Variants in CXCL13 observed in about 807,000 individuals in gnomAD.
The protein encoded by CXCL13 is C-X-C motif chemokine ligand 13.
CXCL13 carries 7 observed loss-of-function variants against 12.2 expected under a neutral mutation model. The observed-to-expected ratio is 0.57, with a 90% CI of 0.33 to 1.07. The LOEUF (loss-of-function observed/expected upper bound fraction) is 1.07, where lower values mean the gene tolerates loss of function less well. Among genes scored for constraint, CXCL13 ranks in the 50% least tolerant of loss-of-function variants. The probability of loss-of-function intolerance (pLI) is 0.04; values close to 1 mark genes in which losing one functional copy is unlikely to be tolerated. For synonymous variants in CXCL13, 47 were observed against 42.4 expected (o/e 1.11, Z -0.42); for missense variants, 113 against 127.4 (o/e 0.89, Z 0.55).
chr4:77,565,759 C>G (rs1193108658), intron 1 of CXCL13, among the ~76,000 whole-genome samples: 2 of 152,080 alleles, frequency 1.3e-5, no homozygotes, highest in Non-Finnish European at 2.9e-5. Context: ...TGGTCACTTT[C>G]TACCTCATGT....
At position 77,605,884 on chromosome 4, in the gene CXCL13, T is replaced by G; in HGVS notation, c.19T>G (p.Ser7Ala). 1 of 1,607,370 alleles carries G rather than the reference T, an allele frequency of 6.2e-7. No individual in the cohort carries two copies. The highest frequency in any genetic ancestry group is 1.7e-5 in the Admixed American group (1 of 59,686). The change falls in exon 1 of 4, where the codon TCT becomes GCT. Residue 7 changes from serine to alanine, a missense_variant. Physicochemically the swap from Ser to Ala is moderately conservative, Grantham distance 99. Coordinates refer to ENST00000682537, the MANE Select transcript of CXCL13 (RefSeq NM_001371558.1). MKFISTSLLLMLLVSSL... is the reference protein window; with the variant it reads MKFISTALLLMLLVSSL... The stretch of plus-strand genomic sequence containing the variant: ...AGACAGAATGAAGTTCATCTCGACA[T>G]CTCTGCTTCTCATGCTGCTGGTCAG...
rs112147720 is a variant in CXCL13 at position 77,597,943 on chromosome 4, G to A, written c.-42-7881G>A. Among the ~76,000 whole-genome samples, 43 of 152,314 alleles carry A rather than the reference G, an allele frequency of 2.8e-4. 1 individual carries two copies. Among genetic ancestry groups the A allele is most frequent in the African/African-American group, 9.6e-4 (40 of 41,556 alleles). The stretch of plus-strand genomic sequence containing the variant: ...AATCCCTGCCCTCTCATTTCTCTTC[G>A]GAACTTTGGCAAGCCACTAAAGCAG... On this transcript the variant is annotated intron_variant, in intron 1 of 4. Transcript: ENST00000286758.
chr4:77,585,030 ACAT>A (rs1726420342), intron 1 of CXCL13, among the ~76,000 whole-genome samples: 1 of 152,166 alleles, frequency 6.6e-6, no homozygotes, highest in Non-Finnish European at 1.5e-5. Flanking sequence ...CTGGCTGAGC[ACAT>A]CATGTTGCCA....
At chr4:77,607,875 C>A in intron 2 of CXCL13, 40 bp downstream of exon 2, 1 of 1,587,430 alleles carries the variant, frequency 6.3e-7, no homozygotes, top group South Asian at 1.1e-5. Context: ...TTCCTTCTCC[C>A]AATGAAATCA....
At chr4:77,533,980 C>T (rs1724994352) in intron 1 of CXCL13, among the ~76,000 whole-genome samples, 1 of 152,222 alleles carries the variant, frequency 6.6e-6, no homozygotes, top group African/African-American at 2.4e-5. Context: ...CCTTGCACTT[C>T]CCAGGTGAGG....
chr4:77,515,228 A>G (rs1052166395), intron 1 of CXCL13, among the ~76,000 whole-genome samples: 4 of 152,176 alleles, frequency 2.6e-5, no homozygotes, highest in African/African-American at 4.8e-5. Context: ...TATAGTTTGA[A>G]GTCAGGTAGC....
chr4:77,556,759 T>C (rs1725669290), intron 1 of CXCL13, among the ~76,000 whole-genome samples: 1 of 152,046 alleles, frequency 6.6e-6, no homozygotes, highest in Non-Finnish European at 1.5e-5. Context: ...GGAAACAAGA[T>C]TGGGCACAGT....
At position 77,525,595 on chromosome 4, in the gene CXCL13, A is replaced by G. The variant is rs192455318; in HGVS notation, c.-43+13807A>G. Among the ~76,000 whole-genome samples, 151 of 152,280 alleles carry G rather than the reference A, an allele frequency of 9.9e-4. 1 individual carries two copies. The highest frequency in any genetic ancestry group is 3.5e-3 in the African/African-American group (146 of 41,548). On this transcript the variant is annotated intron_variant, in intron 1 of 4. Transcript: ENST00000286758. The stretch of plus-strand genomic sequence containing the variant: ...AAAATGCGTGAATGTTTAGCTGTAG[A>G]ACATATGACACAGTTGAGTCTTTTT...
intron 1 of CXCL13, among the ~76,000 whole-genome samples, chr4:77,534,518 G>C (rs899512214): frequency 6.6e-6 from 1 of 152,222 alleles, no homozygotes; most frequent in Non-Finnish European, 1.5e-5. Flanking sequence ...TTCCACTTAT[G>C]TGTCATTGGG....
At chr4:77,565,485 GAAC>G (rs1725906561) in intron 1 of CXCL13, among the ~76,000 whole-genome samples, 1 of 152,110 alleles carries the variant, frequency 6.6e-6, no homozygotes, top group South Asian at 2.1e-4. Flanking sequence ...TCTCACTTAA[GAAC>G]AGTTTTTAAA....
intron 1 of CXCL13, among the ~76,000 whole-genome samples, chr4:77,518,072 A>G (rs532465948): frequency 7.2e-4 from 110 of 152,258 alleles, no homozygotes; most frequent in Non-Finnish European, 1.4e-3. Flanking sequence ...TTGGCTGGAG[A>G]TGAAATTCTG....
chr4:77,541,495 C>T lies in CXCL13; in HGVS notation c.-43+29707C>T, dbSNP rs534227404. Among the ~76,000 whole-genome samples, 31 of 152,214 alleles carry T rather than the reference C, an allele frequency of 2.0e-4. No individual in the cohort carries two copies. In the South Asian group the frequency reaches 5.4e-3, roughly 26 times the overall value. On this transcript the variant is annotated intron_variant, in intron 1 of 4. Coordinates refer to the CXCL13 transcript ENST00000286758. ...TCCTTTCCACATTGCTTATTTTTGT[C>T]GACTTTGTTGAAGATCAGATGGCTG...
Position 77,571,681 on chromosome 4 carries a change from A to T in CXCL13, c.-42-34143A>T, listed in dbSNP as rs185154997. ...CCACTGGGCTCTACCAATCAGCAGG[A>T]TGTGGGTGGGGCCAGATAAGAGAAT... On this transcript the variant is annotated intron_variant, in intron 1 of 4. Coordinates refer to the CXCL13 transcript ENST00000286758. Among the ~76,000 whole-genome samples the T allele has an allele frequency of 1.1e-3, 168 of 151,930 alleles. 2 individuals carry two copies. The highest frequency in any genetic ancestry group is 9.1e-3 in the South Asian group (44 of 4,822).
upstream of CXCL13, among the ~76,000 whole-genome samples, chr4:77,602,056 C>A: frequency 6.6e-6 from 1 of 152,186 alleles, no homozygotes; most frequent in Admixed American, 6.5e-5. Context: ...AGAAAATGTT[C>A]TCAATTGTAT....
intron 1 of CXCL13, among the ~76,000 whole-genome samples, chr4:77,518,441 G>A (rs1265450248): frequency 6.6e-6 from 1 of 152,174 alleles, no homozygotes; most frequent in Non-Finnish European, 1.5e-5. Context: ...CCAATGAGAT[G>A]TAGATTTGGT....
chr4:77,602,900 T>G (rs1358354499), upstream of CXCL13, among the ~76,000 whole-genome samples: 1 of 152,242 alleles, frequency 6.6e-6, no homozygotes, highest in Admixed American at 6.5e-5. Context: ...TAGAATCATC[T>G]GGCTATCAGA....
intron 1 of CXCL13, among the ~76,000 whole-genome samples, chr4:77,545,487 G>T (rs1353952277): frequency 6.6e-6 from 1 of 152,050 alleles, no homozygotes; most frequent in East Asian, 1.9e-4. Flanking sequence ...GGATTCCTAG[G>T]TATTTTATTC....
At position 77,528,020 on chromosome 4, in the gene CXCL13, A is replaced by G. The variant is rs1407738426; in HGVS notation, c.-43+16232A>G. On this transcript the variant is annotated intron_variant, in intron 1 of 4. Coordinates refer to the CXCL13 transcript ENST00000286758. Reference sequence around the variant, plus strand: ...GTTCAATTCCCACCTATGAATGAGAACATGCGGTGTTTGGTTTTTTGTCCT... The same window carrying G: ...GTTCAATTCCCACCTATGAATGAGAGCATGCGGTGTTTGGTTTTTTGTCCT... Among the ~76,000 whole-genome samples the G allele has an allele frequency of 2.6e-5, 4 of 152,038 alleles. No individual in the cohort carries two copies. The South Asian group carries it at 6.2e-4, about 24-fold the overall frequency.
chr4:77,530,803 T>C (rs1041137044), intron 1 of CXCL13, among the ~76,000 whole-genome samples: 28 of 152,304 alleles, frequency 1.8e-4, no homozygotes, highest in Middle Eastern at 3.4e-3. Flanking sequence ...TAGTTATTTC[T>C]TGCCTTCTGC....
Sources: gnomAD v4.1 joint callset for allele counts (sites outside exome capture counted in the v4.1 genomes callset) on GRCh38, gnomAD v4.1.1 for gene constraint, MANE v1.5 for transcripts, NCBI Gene and HGNC (gene_info 2026-07-23, HGNC 2026-07-21) for gene names.